NRXN1: variants seen among roughly 807,000 people sequenced by gnomAD.
The protein encoded by NRXN1 is neurexin 1, also known as neurexin-1.
NRXN1 carries 39 observed loss-of-function variants against 150.9 expected under a neutral mutation model. The observed-to-expected ratio is 0.26, with a 90% CI of 0.20 to 0.34. The LOEUF (loss-of-function observed/expected upper bound fraction) is 0.34. NRXN1 is among the 10% of genes least tolerant of loss of function. NRXN1 has a pLI of 1.00. For missense variants in NRXN1, 1,815 were observed against 1,949.9 expected (o/e 0.93, Z 1.30); for synonymous variants, 924 against 757.0 (o/e 1.22, Z -3.62).
chr2:50,350,593 C>T (rs964454009), intron 17 of NRXN1, among the ~76,000 whole-genome samples: 1 of 152,148 alleles, frequency 6.6e-6, no homozygotes, highest in Non-Finnish European at 1.5e-5. Context: ...ATTTGTTATT[C>T]TCTTGATTGC....
intron 8 of NRXN1, among the ~76,000 whole-genome samples, chr2:50,587,938 A>G (rs1673439849): frequency 6.6e-6 from 1 of 152,176 alleles, no homozygotes; most frequent in African/African-American, 2.4e-5. Flanking sequence ...ATAAATGTAA[A>G]TAATATGAAG....
At chr2:50,787,460 G>A (rs911090252) in intron 5 of NRXN1, among the ~76,000 whole-genome samples, 1 of 151,766 alleles carries the variant, frequency 6.6e-6, no homozygotes, top group African/African-American at 2.4e-5. Context: ...TATTCGGGAT[G>A]GTGGGACAGG....
intron 5 of NRXN1, chr2:50,630,990 A>G (rs1384491888): frequency 5.3e-6 from 2 of 375,714 alleles, no homozygotes; most frequent in Non-Finnish European, 1.1e-5. Flanking sequence ...TGAAATTCAT[A>G]TCAAATTAAA....
At chr2:50,481,891 A>G (rs1393980071) in intron 15 of NRXN1, among the ~76,000 whole-genome samples, 4 of 135,444 alleles carry the variant, frequency 3.0e-5, no homozygotes, top group Admixed American at 7.6e-5. Flanking sequence ...TCAGCCTCCC[A>G]AGTAGCTGGG....
rs554415594 is a variant in NRXN1 at position 50,723,849 on chromosome 2, G to A, written c.833-100234C>T. Among the ~76,000 whole-genome samples the A allele has an allele frequency of 1.2e-4, 18 of 152,304 alleles. 1 individual carries two copies. The South Asian group carries it at 3.5e-3, about 30-fold the overall frequency. On this transcript the variant is annotated intron_variant, in intron 5 of 22. Coordinates refer to ENST00000401669, the MANE Select transcript of NRXN1 (RefSeq NM_001330078.2). ...AACCACTGTGTTTTCGGGTTTGTTT[G>A]TGTGCGTGTGTGTGTTTCCTAGTGT...
chr2:50,251,777 G>T (rs1188715932), intron 17 of NRXN1, among the ~76,000 whole-genome samples: 1 of 152,156 alleles, frequency 6.6e-6, no homozygotes, highest in Non-Finnish European at 1.5e-5. Flanking sequence ...TTTCTCTAAT[G>T]ATCAGTGATG....
At position 50,168,200 on chromosome 2, in the gene NRXN1, T is replaced by C. The variant is rs544328160; in HGVS notation, c.3546+68589A>G. 4.6e-5 allele frequency among the ~76,000 whole-genome samples: 7 copies of C among 152,264 alleles called. 1 individual carries two copies. The South Asian group carries it at 1.5e-3, about 32-fold the overall frequency. On this transcript the variant is annotated intron_variant, in intron 18 of 22. Coordinates refer to ENST00000401669, the MANE Select transcript of NRXN1 (RefSeq NM_001330078.2). ...TGTTCATGATGGACTGAGAGAGACATGGCAAACATTACAAGCATGCATTGC... is the reference window on the plus strand; with the variant it reads ...TGTTCATGATGGACTGAGAGAGACACGGCAAACATTACAAGCATGCATTGC...
chr2:50,887,000 T>C (rs1680347068), intron 5 of NRXN1, among the ~76,000 whole-genome samples: 1 of 151,484 alleles, frequency 6.6e-6, no homozygotes, highest in Non-Finnish European at 1.5e-5. Flanking sequence ...TAAATTTGGA[T>C]GAGAACTACA....
chr2:49,964,749 G>A (rs1174945828), intron 21 of NRXN1, among the ~76,000 whole-genome samples: 2 of 152,134 alleles, frequency 1.3e-5, no homozygotes, highest in African/African-American at 4.8e-5. Context: ...GCTGAGGTGG[G>A]AGAATCACTT....
At chr2:50,697,012 G>T (rs537602490) in intron 5 of NRXN1, among the ~76,000 whole-genome samples, 1 of 151,992 alleles carries the variant, frequency 6.6e-6, no homozygotes, top group African/African-American at 2.4e-5. Context: ...CTTACTTCAA[G>T]CACCTTAACA....
chr2:50,347,031 C>A lies in NRXN1; in HGVS notation c.3365-110061G>T, dbSNP rs1344599449. On this transcript the variant is annotated intron_variant, in intron 17 of 22. Transcript: ENST00000401669. The surrounding 1 kb of genome is among the most constrained non-coding windows in gnomAD (Gnocchi z 4.9). ...AGAGGAGAGGGCGCAGGGGAGCGGG[C>A]GGCGCGGAGTGGGCTGAGGGGCCGG... is the stretch of plus-strand genomic sequence containing the variant. 5.1e-6 allele frequency: 7 copies of A among 1,369,038 alleles called. No individual in the cohort carries two copies. The highest frequency in any genetic ancestry group is 2.5e-5 in the Admixed American group (1 of 39,864). 84.8% of individuals were successfully genotyped at this position (1,369,038 alleles called of 1,614,324 possible).
intron 21 of NRXN1, among the ~76,000 whole-genome samples, chr2:49,994,920 C>T (rs931330586): frequency 2.0e-5 from 3 of 152,172 alleles, no homozygotes; most frequent in African/African-American, 7.2e-5. Context: ...TCTGTCACAC[C>T]AGTGCCTCAC....
intron 17 of NRXN1, among the ~76,000 whole-genome samples, chr2:50,447,802 C>G (rs1049827098): frequency 8.6e-5 from 10 of 115,694 alleles, no homozygotes; most frequent in Admixed American, 2.9e-4. Context: ...AATGTACTAT[C>G]TATCCTGCTT....
intron 19 of NRXN1, among the ~76,000 whole-genome samples, chr2:50,068,936 C>T (rs537756250): frequency 3.9e-5 from 6 of 152,130 alleles, no homozygotes; most frequent in African/African-American, 1.4e-4. Flanking sequence ...TTCTCCCAAG[C>T]AATGTCATCT....
intron 2 of NRXN1, among the ~76,000 whole-genome samples, chr2:50,991,007 T>TATTC (rs563823598): frequency 2.0e-5 from 3 of 152,054 alleles, no homozygotes; most frequent in Non-Finnish European, 4.4e-5. Context: ...TTCTTTAATG[T>TATTC]ATTCATTCAT....
chr2:50,835,803 A>C (rs1477387337), intron 5 of NRXN1, among the ~76,000 whole-genome samples: 1 of 152,182 alleles, frequency 6.6e-6, no homozygotes, highest in African/African-American at 2.4e-5. Flanking sequence ...CTCTAGCCAG[A>C]ATCTGATGAG....
intron 17 of NRXN1, among the ~76,000 whole-genome samples, chr2:50,308,470 G>A (rs939349413): frequency 1.3e-5 from 2 of 151,932 alleles, no homozygotes; most frequent in African/African-American, 2.4e-5. Context: ...TAGGACTACA[G>A]GCACATGCCG....
chr2:50,110,024 T>A (rs780048939), intron 18 of NRXN1, among the ~76,000 whole-genome samples: 3 of 152,186 alleles, frequency 2.0e-5, no homozygotes, highest in Non-Finnish European at 4.4e-5. Context: ...CTATGTTTAC[T>A]ATGTAAGAGG....
chr2:50,322,219 T>G (rs1300059178), intron 17 of NRXN1, among the ~76,000 whole-genome samples: 1 of 152,164 alleles, frequency 6.6e-6, no homozygotes, highest in East Asian at 1.9e-4. Context: ...CTTAGCTATG[T>G]AACCGTAGGA....
Sources: gnomAD v4.1 joint callset for allele counts (sites outside exome capture counted in the v4.1 genomes callset) on GRCh38, gnomAD v4.1.1 for gene constraint, Gnocchi (gnomAD v3.1) non-coding constraint, MANE v1.5 for transcripts, NCBI Gene and HGNC (gene_info 2026-07-23, HGNC 2026-07-21) for gene names.